QSOX2: variants seen among roughly 807,000 people sequenced by gnomAD.
The protein encoded by QSOX2 is sulfhydryl oxidase 2.
A neutral mutation model predicts 61.7 loss-of-function variants in QSOX2; 46 were observed. The observed-to-expected ratio is 0.75, with a 90% CI of 0.59 to 0.95. The LOEUF (loss-of-function observed/expected upper bound fraction) is 0.95, where lower values mean the gene tolerates loss of function less well. Ranked by LOEUF, QSOX2 falls within the 40% of genes least tolerant of loss-of-function variation. QSOX2 has a pLI of 0.00. For synonymous variants in QSOX2, 383 were observed against 388.4 expected, an observed-to-expected ratio of 0.99 and a Z score of 0.16; for missense variants, 879 against 918.9, an observed-to-expected ratio of 0.96 and a Z score of 0.56.
chr9:136,230,830 T>C (rs1186813979), intron 1 of QSOX2, among the ~76,000 whole-genome samples: 1 of 151,976 alleles, frequency 6.6e-6, no homozygotes, highest in African/African-American at 2.4e-5. Flanking sequence ...TGTCCCCTCC[T>C]CTCCCCTCCA....
At chr9:136,244,210 A>C (rs2131073044) in intron 1 of QSOX2, among the ~76,000 whole-genome samples, 1 of 152,322 alleles carries the variant, frequency 6.6e-6, no homozygotes, top group East Asian at 1.9e-4. Flanking sequence ...TTGTTTTCCT[A>C]AAAGCAGTGT....
At chr9:136,215,367 G>A in intron 9 of QSOX2, 63 bp from the exon 10 acceptor site, 1 of 1,299,986 alleles carries the variant, frequency 7.7e-7, no homozygotes, top group Non-Finnish European at 1.0e-6. Context: ...ATTAAAAACA[G>A]TCGACAGCTG....
chr9:136,211,072 A>G (rs1443193379), intron 11 of QSOX2, among the ~76,000 whole-genome samples, 192 bp downstream of exon 11: 2 of 152,252 alleles, frequency 1.3e-5, no homozygotes, highest in Non-Finnish European at 2.9e-5. Flanking sequence ...AGCCGGGGAC[A>G]GAAGCAGCCT....
chr9:136,218,635 G>T, intron 8 of QSOX2, 44 bp downstream of exon 8: 1 of 1,597,146 alleles, frequency 6.3e-7, no homozygotes, highest in South Asian at 1.1e-5. Context: ...ACTCTGTGCA[G>T]AGCCAAATTC....
chr9:136,216,256 A>G (rs568824001), intron 9 of QSOX2, among the ~76,000 whole-genome samples: 8 of 152,216 alleles, frequency 5.3e-5, no homozygotes, highest in Non-Finnish European at 8.8e-5. Context: ...AAGCTCTGGA[A>G]AGGCTGCCAC....
In QSOX2 at chr9:136,215,329, C is replaced by A. The variant is rs574018025; in HGVS notation, c.1210-25G>T. 78 of 1,599,696 alleles carry A rather than the reference C, an allele frequency of 4.9e-5. 1 individual carries two copies. The East Asian group carries it at 1.2e-3, about 25-fold the overall frequency. ...TCTGAAAAACAAACAAACAAAAAAACCCCAAAGAATAAAAGATAATTGTTG... is the reference window on the plus strand; with the variant it reads ...TCTGAAAAACAAACAAACAAAAAAAACCCAAAGAATAAAAGATAATTGTTG... On this transcript the variant is annotated intron_variant, in intron 9 of 11. Coordinates refer to ENST00000358701, the MANE Select transcript of QSOX2 (RefSeq NM_181701.4).
At position 136,208,829 on chromosome 9, in the gene QSOX2, C is replaced by T. The variant is rs144561104; in HGVS notation, c.1996G>A (p.Val666Met). The T allele has an allele frequency of 1.5e-4, 248 of 1,614,042 alleles. No homozygotes were observed. The African/African-American group carries it at 2.7e-3, about 17-fold the overall frequency. Residue 666 changes from valine to methionine, a missense_variant, in exon 12 of 12, where the codon GTG (valine) becomes ATG (methionine). Physicochemically the swap from Val to Met is conservative, Grantham distance 21. Coordinates refer to ENST00000358701, the MANE Select transcript of QSOX2 (RefSeq NM_181701.4). ...FSSLDMSLCV[V>M]LYVASSLFLM... is the part of the protein sequence containing the mutation. ...AACAGGGATGAAGCCACGTACAGCA[C>T]GACACAGAGACTCATGTCCAGGCTG...
Position 136,209,431 on chromosome 9 carries a change from C to G in QSOX2, c.1550-156G>C, listed in dbSNP as rs1252115089. 1 of 985,324 alleles carries G rather than the reference C, an allele frequency of 1.0e-6. No individual in the cohort carries two copies. Among genetic ancestry groups the G allele is most frequent in the African/African-American group, 1.7e-5 (1 of 57,256 alleles). The allele number at this position is 985,324 out of a possible 1,614,324, so 61.0% of individuals were successfully genotyped here. A position where few individuals can be genotyped will look rare whatever the true frequency, so the allele number is the denominator to read the frequency against. On this transcript the variant is annotated intron_variant, in intron 11 of 11. Transcript: ENST00000358701. This position sits in a 1 kb window ranked among gnomAD's most constrained non-coding sequence, Gnocchi z 5.6. Reference sequence around the variant, plus strand: ...CCTCCCTCCCTGCCCTTCCCACCACCCGTCCCTTGCAGTTCGGCCCAGATA... The same window carrying G: ...CCTCCCTCCCTGCCCTTCCCACCACGCGTCCCTTGCAGTTCGGCCCAGATA...
intron 1 of QSOX2, among the ~76,000 whole-genome samples, chr9:136,241,190 T>C (rs1830430880): frequency 6.6e-6 from 1 of 152,136 alleles, no homozygotes; most frequent in Non-Finnish European, 1.5e-5. Context: ...CGGGGCTACA[T>C]TAAGCCATTT....
At chr9:136,236,904 C>T (rs1463069757) in intron 1 of QSOX2, among the ~76,000 whole-genome samples, 6 of 150,158 alleles carry the variant, frequency 4.0e-5, no homozygotes, top group Non-Finnish European at 7.4e-5. Flanking sequence ...CACCTAGAGC[C>T]CGTCCTGTGC....
At chr9:136,219,502 C>T (rs1463653610) in intron 6 of QSOX2, among the ~76,000 whole-genome samples, 2 of 152,218 alleles carry the variant, frequency 1.3e-5, no homozygotes, top group African/African-American at 4.8e-5. Context: ...ATTTCCAACA[C>T]GCCTAAGAGC....
chr9:136,211,142 T>G, intron 11 of QSOX2, 122 bp downstream of exon 11: 1 of 1,083,960 alleles, frequency 9.2e-7, no homozygotes, highest in Admixed American at 2.3e-5. Context: ...GTCAGCACAG[T>G]GGGTGGCACG....
chr9:136,208,806 C>T lies in QSOX2; in HGVS notation c.2019G>A (p.Leu673=). 5.6e-6 allele frequency: 9 copies of T among 1,614,050 alleles called. No individual in the cohort carries two copies. The highest frequency in any genetic ancestry group is 7.6e-6 in the Non-Finnish European group (9 of 1,180,024). Residue 673 remains leucine, a synonymous_variant, in exon 12 of 12, where the codon CTG becomes CTA. Transcript: ENST00000358701. ...AGAAGAAGTACATCACCATGAGGAA[C>T]AGGGATGAAGCCACGTACAGCACGA... is the stretch of plus-strand genomic sequence containing the variant. The part of the protein sequence containing the change: ...LCVVLYVASS[L]FLMVMYFFFR...
At chr9:136,232,835 T>C (rs1371501305) in intron 1 of QSOX2, among the ~76,000 whole-genome samples, 1 of 140,328 alleles carries the variant, frequency 7.1e-6, no homozygotes, top group Non-Finnish European at 1.5e-5. Context: ...ATGGGAGAAC[T>C]ACTTGAGCTC....
At position 136,209,149 on chromosome 9, in the gene QSOX2, T is replaced by C. The variant is rs922549904; in HGVS notation, c.1676A>G (p.Lys559Arg). 1 of 1,614,198 alleles carries C rather than the reference T, an allele frequency of 6.2e-7. No homozygotes were observed. The highest frequency in any genetic ancestry group is 1.3e-5 in the African/African-American group (1 of 75,060). The change falls in exon 12 of 12, where the codon AAG (lysine) becomes AGG (arginine). Residue 559 changes from lysine to arginine, a missense_variant. Lys to Arg is a conservative substitution (Grantham distance 26, BLOSUM62 2). Transcript: ENST00000358701. The surrounding 1 kb of genome is among the most constrained non-coding windows in gnomAD (Gnocchi z 5.6). ...GAGGTTGTCGCGGCCATAGTGCTGCTTCAAGAATGTGAGCACGTGGCCTTC... is the reference window on the plus strand; with the variant it reads ...GAGGTTGTCGCGGCCATAGTGCTGCCTCAAGAATGTGAGCACGTGGCCTTC... ...WDEGHVLTFLKQHYGRDNLLD... is the reference protein window; with the variant it reads ...WDEGHVLTFLRQHYGRDNLLD...
intron 10 of QSOX2, among the ~76,000 whole-genome samples, chr9:136,214,076 G>C (rs940188515): frequency 1.3e-5 from 2 of 152,212 alleles, no homozygotes; most frequent in African/African-American, 4.8e-5. Flanking sequence ...TGAACTGTGT[G>C]AGTCAAGACT....
chr9:136,227,394 A>C (rs1020372184), intron 1 of QSOX2, among the ~76,000 whole-genome samples: 2 of 152,206 alleles, frequency 1.3e-5, no homozygotes, highest in African/African-American at 4.8e-5. Context: ...CATCCCAGAC[A>C]CTGCCCGCAA....
rs941235082 is a variant in QSOX2 at position 136,223,662 on chromosome 9, G to A, written c.675+101C>T. The A allele has an allele frequency of 3.6e-5, 30 of 844,176 alleles. No homozygotes were observed. Among genetic ancestry groups the A allele is most frequent in the Middle Eastern group, 6.9e-4 (2 of 2,906 alleles). The allele number at this position is 844,176 out of a possible 1,614,324, so 52.3% of individuals were successfully genotyped here. On this transcript the variant is annotated intron_variant, in intron 5 of 11. Transcript: ENST00000358701. The surrounding 1 kb of genome is among the most constrained non-coding windows in gnomAD (Gnocchi z 4.4). ...ACCTAAAGCCACAGACAGGACACGA[G>A]ATGCCGACACAGTGACCGGCACCTG...
At position 136,235,800 on chromosome 9, in the gene QSOX2, G is replaced by A. The variant is rs537856174; in HGVS notation, c.329-8926C>T. On this transcript the variant is annotated intron_variant, in intron 1 of 11. Coordinates refer to ENST00000358701, the MANE Select transcript of QSOX2 (RefSeq NM_181701.4). ...GCCCAGTGGTGGCCAAGGCTGAGCC[G>A]TCTCTTCTCCACATCCAAGACCACG... Among the ~76,000 whole-genome samples, 75 of 152,276 alleles carry A rather than the reference G, an allele frequency of 4.9e-4. 1 individual carries two copies. The South Asian group carries it at 0.011, about 22-fold the overall frequency.
Sources: gnomAD v4.1 joint callset for allele counts (sites outside exome capture counted in the v4.1 genomes callset) on GRCh38, gnomAD v4.1.1 for gene constraint, Gnocchi (gnomAD v3.1) non-coding constraint, MANE v1.5 for transcripts, NCBI Gene and HGNC (gene_info 2026-07-23, HGNC 2026-07-21) for gene names.